EXTL3: variants seen among roughly 807,000 people sequenced by gnomAD.
The protein encoded by EXTL3 is exostosin-like 3.
Under a neutral mutation model 69.3 loss-of-function variants are expected in EXTL3, and 27 were observed. The ratio of observed to expected loss-of-function variants is 0.39; its 90% CI spans 0.29 to 0.54. EXTL3 has a LOEUF of 0.54. Ranked by LOEUF, EXTL3 falls within the 20% of genes least tolerant of loss-of-function variation. The pLI is 0.69. For missense variants in EXTL3, 1,003 were observed against 1,231.8 expected (o/e 0.81, Z 2.78); for synonymous variants, 511 against 499.4 (o/e 1.02, Z -0.31).
chr8:28,635,443 T>C (rs186204775), intron 1 of EXTL3, among the ~76,000 whole-genome samples: 63 of 147,242 alleles, frequency 4.3e-4, no homozygotes, highest in Non-Finnish European at 7.8e-4. Context: ...GGCTCACACC[T>C]GTAATCCCAG....
chr8:28,690,384 G>A (rs1800595304), intron 1 of EXTL3, among the ~76,000 whole-genome samples: 1 of 151,840 alleles, frequency 6.6e-6, no homozygotes. Flanking sequence ...AGCTAATTTT[G>A]AAAATACAAA....
At chr8:28,671,313 T>G (rs533147091) in intron 1 of EXTL3, among the ~76,000 whole-genome samples, 331 of 143,722 alleles carry the variant, frequency 2.3e-3, no homozygotes, top group African/African-American at 6.4e-3. Context: ...TTTTTTGTTT[T>G]TTTTTTTTTT....
chr8:28,676,668 A>ACCACCAT (rs1328070342), intron 1 of EXTL3, among the ~76,000 whole-genome samples: 1 of 152,180 alleles, frequency 6.6e-6, no homozygotes, highest in East Asian at 1.9e-4. Flanking sequence ...GGATGAGATC[A>ACCACCAT]CGTAGGGAAA....
In EXTL3 at chr8:28,716,093, G is replaced by A. The variant is rs1801137541; in HGVS notation, c.34G>A (p.Ala12Thr). The A allele has an allele frequency of 5.6e-6, 9 of 1,611,328 alleles. No individual in the cohort carries two copies. Among genetic ancestry groups the A allele is most frequent in the Admixed American group, 1.7e-5 (1 of 60,004 alleles). Residue 12 changes from alanine to threonine, a missense_variant, in exon 3 of 7, where the codon GCG (alanine) becomes ACG (threonine). Coordinates refer to ENST00000220562, the MANE Select transcript of EXTL3 (RefSeq NM_001440.4). This position sits in a 1 kb window ranked among gnomAD's most constrained non-coding sequence, Gnocchi z 7.1. ...TGYTMLRNGG[A>T]GNGGQTCMLR... ...CTATACCATGCTGCGGAATGGGGGCGCGGGGAACGGAGGTCAGACCTGCAT... is the reference window on the plus strand; with the variant it reads ...CTATACCATGCTGCGGAATGGGGGCACGGGGAACGGAGGTCAGACCTGCAT...
intron 1 of EXTL3, among the ~76,000 whole-genome samples, chr8:28,652,187 T>A (rs545636258): frequency 6.6e-5 from 10 of 151,056 alleles, no homozygotes; most frequent in African/African-American, 2.5e-4. Context: ...CCTTTTTACT[T>A]CTTCTGGGTG....
At position 28,755,478 on chromosome 8, in the gene EXTL3, G is replaced by A. The variant is rs528227044; in HGVS notation, c.*4612G>A. The A allele has an allele frequency of 1.3e-5, 2 of 152,406 alleles. No individual in the cohort carries two copies. Among genetic ancestry groups the A allele is most frequent in the South Asian group, 4.1e-4 (2 of 4,828 alleles). The allele number at this position is 152,406 out of a possible 1,614,324, so 9.4% of individuals were successfully genotyped here. Reference sequence around the variant, plus strand: ...TATGAAAGAGTACAGGCTGGGTGCGGTGGTTCACGCCTGTAATCCCAGCAC... The same window carrying A: ...TATGAAAGAGTACAGGCTGGGTGCGATGGTTCACGCCTGTAATCCCAGCAC... On this transcript the variant is annotated 3_prime_UTR_variant, in exon 7 of 7. Transcript: ENST00000220562.
In EXTL3 at chr8:28,717,763, T is replaced by G. The variant is rs748555675; in HGVS notation, c.1704T>G (p.Ala568=). ...CGGCTGGAACTGACCCCAACATGGC[T>G]GACAACGGGGACCTGGACCTGGGGC... ...GKAAGTDPNM[A]DNGDLDLGPV... The change falls in exon 3 of 7, where the codon GCT becomes GCG. Residue 568 remains alanine, a synonymous_variant. Coordinates refer to ENST00000220562, the MANE Select transcript of EXTL3 (RefSeq NM_001440.4). The surrounding 1 kb of genome is among the most constrained non-coding windows in gnomAD (Gnocchi z 8.3). 6.2e-6 allele frequency: 10 copies of G among 1,614,082 alleles called. No homozygotes were observed. Among genetic ancestry groups the G allele is most frequent in the Non-Finnish European group, 8.5e-6 (10 of 1,179,906 alleles).
At chr8:28,659,992 A>G (rs1807081213) in intron 1 of EXTL3, among the ~76,000 whole-genome samples, 1 of 152,128 alleles carries the variant, frequency 6.6e-6, no homozygotes, top group South Asian at 2.1e-4. Context: ...TACATGCAAC[A>G]TTTTACTATA....
chr8:28,632,367 C>T (rs1181450133), intron 1 of EXTL3, among the ~76,000 whole-genome samples: 1 of 151,964 alleles, frequency 6.6e-6, no homozygotes, highest in Non-Finnish European at 1.5e-5. Flanking sequence ...TGCACTCCAG[C>T]CTGGGCAACA....
rs1286517857 is a variant in EXTL3, at chr8:28,609,216, G to A, written n.314+1458G>A. Among the ~76,000 whole-genome samples, 7 of 152,204 alleles carry A rather than the reference G, an allele frequency of 4.6e-5. No individual in the cohort carries two copies. In the East Asian group the frequency reaches 7.7e-4, roughly 17 times the overall value. The stretch of plus-strand genomic sequence containing the variant: ...TGAGTTAGAGAAATAGCCTGGGGCC[G>A]TCACAGAGCATTTGTGACTCAGAGA... On this transcript the variant is annotated intron_variant and non_coding_transcript_variant, in intron 2 of 4. Coordinates refer to the EXTL3 transcript ENST00000522725.
chr8:28,608,545 G>A (rs1406745164), intron 2 of EXTL3, among the ~76,000 whole-genome samples: 1 of 152,098 alleles, frequency 6.6e-6, no homozygotes, highest in African/African-American at 2.4e-5. Flanking sequence ...TTCCCTTCCT[G>A]TAGAGTGAGA....
chr8:28,612,314 C>T (rs1413815249), intron 2 of EXTL3, among the ~76,000 whole-genome samples: 1 of 151,958 alleles, frequency 6.6e-6, no homozygotes, highest in African/African-American at 2.4e-5. Context: ...ATTAGCCAGG[C>T]TTAGTGGCAC....
intron 1 of EXTL3, among the ~76,000 whole-genome samples, chr8:28,630,033 G>A (rs959217045): frequency 6.6e-5 from 10 of 152,120 alleles, no homozygotes; most frequent in Admixed American, 6.6e-4. Context: ...AAGGTAGATA[G>A]AGCCTCTTTT....
At chr8:28,635,036 A>T (rs186548374) in intron 1 of EXTL3, among the ~76,000 whole-genome samples, 1 of 152,210 alleles carries the variant, frequency 6.6e-6, no homozygotes, top group Admixed American at 6.5e-5. Flanking sequence ...GACCATGGTA[A>T]CCTGGAGTGT....
chr8:28,655,489 CTTTT>C (rs60021378), intron 1 of EXTL3, among the ~76,000 whole-genome samples: 6 of 130,976 alleles, frequency 4.6e-5, no homozygotes, highest in Admixed American at 8.0e-5. Context: ...AAAAATCTTC[CTTTT>C]TTTTTTTTTT....
At chr8:28,732,848 C>T (rs749457047) in intron 4 of EXTL3, among the ~76,000 whole-genome samples, 2 of 152,114 alleles carry the variant, frequency 1.3e-5, no homozygotes, top group African/African-American at 2.4e-5. Context: ...GTCAGCCTCC[C>T]GAGTAGCTGG....
intron 4 of EXTL3, among the ~76,000 whole-genome samples, 192 bp downstream of exon 4, chr8:28,731,542 C>T (rs559978264): frequency 3.3e-4 from 50 of 152,248 alleles, no homozygotes; most frequent in South Asian, 1.0e-3. Flanking sequence ...CTGTAGGCTC[C>T]GCTCTGTGTT....
At position 28,722,774 on chromosome 8, in the gene EXTL3, TAAA is replaced by T. The variant is rs397711641; in HGVS notation, c.2148+4587_2148+4589del. 4.5e-3 allele frequency among the ~76,000 whole-genome samples: 440 copies of T among 97,582 alleles called. 1 individual carries two copies. The highest frequency in any genetic ancestry group is 0.017 in the African/African-American group (417 of 24,876). The allele number at this position is 97,582 out of a possible 152,430, so 64.0% of individuals were successfully genotyped here. ...GGGTGATAGAGGGAGACCCTGTCTC[TAAA>T]AAAAAAAAAAAAAAAAAAAGAGAGA... is the stretch of plus-strand genomic sequence containing the variant. On this transcript the variant is annotated intron_variant, in intron 3 of 6. Transcript: ENST00000220562.
chr8:28,626,481 G>A (rs1016768719), intron 1 of EXTL3, among the ~76,000 whole-genome samples: 2 of 152,210 alleles, frequency 1.3e-5, no homozygotes, highest in East Asian at 3.9e-4. Context: ...TTGGTGGAAC[G>A]TGTGGCCAAA....
Sources: allele counts gnomAD v4.1 joint callset (sites outside exome capture counted in the v4.1 genomes callset), GRCh38; gene constraint gnomAD v4.1.1; non-coding constraint Gnocchi (gnomAD v3.1); transcripts MANE v1.5; gene names NCBI Gene and HGNC (gene_info 2026-07-23, HGNC 2026-07-21).